CLSTN2: variants seen among roughly 807,000 people sequenced by gnomAD.
CLSTN2 encodes the protein calsyntenin 2.
CLSTN2 carries 48 observed loss-of-function variants against 101.2 expected under a neutral mutation model. The observed-to-expected ratio is 0.47, with a 90% confidence interval of 0.38 to 0.60. The LOEUF (loss-of-function observed/expected upper bound fraction) is 0.60, where lower values mean the gene tolerates loss of function less well. CLSTN2 is among the 20% of genes least tolerant of loss of function. The probability of loss-of-function intolerance (pLI) is 0.00; values close to 1 mark genes in which losing one functional copy is unlikely to be tolerated. For missense variants in CLSTN2, 1,160 were observed against 1,238.2 expected (o/e 0.94, Z 0.95); for synonymous variants, 481 against 463.6 (o/e 1.04, Z -0.48).
chr3:140,345,159 T>C (rs948051604), intron 2 of CLSTN2, among the ~76,000 whole-genome samples: 2 of 152,088 alleles, frequency 1.3e-5, no homozygotes, highest in Admixed American at 1.3e-4. Flanking sequence ...ACATGAGGAG[T>C]AGGTTTGTTT....
intron 1 of CLSTN2, among the ~76,000 whole-genome samples, chr3:140,154,654 T>TTA (rs2009921995): frequency 1.4e-5 from 2 of 143,930 alleles, no homozygotes; most frequent in South Asian, 4.7e-4. Flanking sequence ...TTTTTTTTTT[T>TTA]TTTTTTTTGA....
chr3:140,108,947 A>T (rs750532744), intron 1 of CLSTN2, among the ~76,000 whole-genome samples: 5 of 152,178 alleles, frequency 3.3e-5, no homozygotes, highest in Non-Finnish European at 5.9e-5. Context: ...CACCCTATGA[A>T]CTGGGTATTA....
At chr3:140,330,360 C>T (rs1390567056) in intron 2 of CLSTN2, among the ~76,000 whole-genome samples, 1 of 152,174 alleles carries the variant, frequency 6.6e-6, no homozygotes, top group South Asian at 2.1e-4. Flanking sequence ...AGTTATTGCT[C>T]CTGTTGGTGG....
intron 1 of CLSTN2, among the ~76,000 whole-genome samples, chr3:140,107,176 C>T (rs2009073337): frequency 6.6e-6 from 1 of 152,164 alleles, no homozygotes. Flanking sequence ...TAATAATATC[C>T]TCTATGTTGA....
intron 8 of CLSTN2, among the ~76,000 whole-genome samples, chr3:140,475,305 G>A (rs1933957732): frequency 6.6e-6 from 1 of 152,150 alleles, no homozygotes; most frequent in Non-Finnish European, 1.5e-5. Flanking sequence ...GGAGCATATT[G>A]CATACCTAAC....
intron 2 of CLSTN2, among the ~76,000 whole-genome samples, chr3:140,386,683 G>A (rs997163616): frequency 6.6e-5 from 10 of 151,880 alleles, no homozygotes; most frequent in African/African-American, 2.4e-4. Context: ...TCTCCCCTCT[G>A]TCCATCTGCA....
chr3:140,403,157 G>C (rs980706516), intron 2 of CLSTN2, among the ~76,000 whole-genome samples: 1 of 152,206 alleles, frequency 6.6e-6, no homozygotes, highest in Non-Finnish European at 1.5e-5. Context: ...AGCTCTTTAA[G>C]ATGTTAGCTT....
chr3:140,012,218 G>A (rs764890209), intron 1 of CLSTN2, among the ~76,000 whole-genome samples: 6 of 152,104 alleles, frequency 3.9e-5, no homozygotes, highest in Non-Finnish European at 5.9e-5. Flanking sequence ...CCAAGAGAAG[G>A]GAGGAAGGAA....
intron 1 of CLSTN2, among the ~76,000 whole-genome samples, chr3:140,134,377 G>A (rs941794873): frequency 3.3e-5 from 5 of 152,034 alleles, no homozygotes; most frequent in Non-Finnish European, 5.9e-5. Flanking sequence ...CTGCTCTCCA[G>A]GTGACATCAG....
intron 2 of CLSTN2, among the ~76,000 whole-genome samples, chr3:140,322,470 G>C (rs1273562394): frequency 6.6e-6 from 1 of 152,234 alleles, no homozygotes; most frequent in African/African-American, 2.4e-5. Context: ...GAGGTGCTGA[G>C]TAGGAATCAT....
chr3:139,959,835 A>T (rs1935473207), intron 1 of CLSTN2, among the ~76,000 whole-genome samples: 1 of 152,120 alleles, frequency 6.6e-6, no homozygotes, highest in Non-Finnish European at 1.5e-5. Context: ...CAGACACAGA[A>T]TGTCACTATC....
intron 5 of CLSTN2, among the ~76,000 whole-genome samples, chr3:140,446,001 G>A (rs1933068262): frequency 8.0e-6 from 1 of 125,152 alleles, no homozygotes; most frequent in Admixed American, 8.3e-5. Context: ...ACATGGAGGA[G>A]GTGGCAAGAG....
At chr3:140,184,215 G>A (rs2010452373) in intron 2 of CLSTN2, among the ~76,000 whole-genome samples, 1 of 152,198 alleles carries the variant, frequency 6.6e-6, no homozygotes, top group African/African-American at 2.4e-5. Context: ...AAAGCACATT[G>A]GCAAGCAGCT....
chr3:140,227,507 T>C (rs897928250), intron 2 of CLSTN2, among the ~76,000 whole-genome samples: 20 of 152,286 alleles, frequency 1.3e-4, no homozygotes, highest in African/African-American at 4.6e-4. Context: ...AGGTGCACAG[T>C]GCAAGCTCTC....
chr3:139,946,670 A>T (rs765078119), intron 1 of CLSTN2, among the ~76,000 whole-genome samples: 21 of 152,114 alleles, frequency 1.4e-4, no homozygotes, highest in Non-Finnish European at 2.6e-4. Context: ...ACCTGCTGAG[A>T]TGGAGGGCAA....
At chr3:140,230,418 G>T (rs1427924011) in intron 2 of CLSTN2, among the ~76,000 whole-genome samples, 1 of 152,204 alleles carries the variant, frequency 6.6e-6, no homozygotes, top group African/African-American at 2.4e-5. Context: ...TGGCCTGTAT[G>T]TTCTGAATAT....
chr3:139,943,605 G>A lies in CLSTN2; in HGVS notation c.109+8122G>A, dbSNP rs79751900. On this transcript the variant is annotated intron_variant, in intron 1 of 16. Transcript: ENST00000458420. ...GTGTCTACTTCCACAGGCAACAGAC[G>A]ATACCACCAGCACCTAGAATCTAAT... Among the ~76,000 whole-genome samples, 860 of 152,260 alleles carry A rather than the reference G, an allele frequency of 5.6e-3. 7 individuals carry two copies. Among genetic ancestry groups the A allele is most frequent in the African/African-American group, 0.018 (767 of 41,552 alleles).
At chr3:140,465,863 G>C (rs1042381207) in intron 7 of CLSTN2, among the ~76,000 whole-genome samples, 1 of 152,128 alleles carries the variant, frequency 6.6e-6, no homozygotes, top group African/African-American at 2.4e-5. Context: ...CGCGCCTCCT[G>C]GTAGATGTCT....
At chr3:140,451,328 A>G (rs1933246016) in intron 6 of CLSTN2, among the ~76,000 whole-genome samples, 1 of 152,208 alleles carries the variant, frequency 6.6e-6, no homozygotes, top group African/African-American at 2.4e-5. Context: ...TCATATGTTA[A>G]CACAGCTCAT....
Sources: gnomAD v4.1 joint callset for allele counts (sites outside exome capture counted in the v4.1 genomes callset) on GRCh38, gnomAD v4.1.1 for gene constraint, MANE v1.5 for transcripts, NCBI Gene and HGNC (gene_info 2026-07-23, HGNC 2026-07-21) for gene names.